The following CADPS variants were observed in gnomAD, a reference collection of about 807,000 sequenced individuals.
CADPS encodes calcium-dependent secretion activator 1.
In CADPS, 57 loss-of-function variants were observed where a neutral mutation model predicts 167.3. The observed-to-expected ratio is 0.34, with a 90% CI of 0.28 to 0.42. The LOEUF (loss-of-function observed/expected upper bound fraction) is 0.42, where lower values mean the gene tolerates loss of function less well. Among genes scored for constraint, CADPS ranks in the 20% least tolerant of loss-of-function variants. CADPS has a pLI of 1.00. For synonymous variants in CADPS, 676 were observed against 635.3 expected (o/e 1.06, Z -0.96); for missense variants, 1,414 against 1,738.1 (o/e 0.81, Z 3.32).
intron 21 of CADPS, among the ~76,000 whole-genome samples, chr3:62,484,752 A>G (rs2062551933): frequency 6.6e-6 from 1 of 152,158 alleles, no homozygotes; most frequent in Non-Finnish European, 1.5e-5. Flanking sequence ...ATTGACTCTA[A>G]TCAAGACACT....
At chr3:62,535,852 C>T (rs965411942) in intron 12 of CADPS, among the ~76,000 whole-genome samples, 6 of 151,734 alleles carry the variant, frequency 4.0e-5, no homozygotes, top group Non-Finnish European at 7.4e-5. Flanking sequence ...ATTGATACTC[C>T]TGCTGGATAG....
At chr3:62,429,133 G>C (rs183635426) in intron 28 of CADPS, among the ~76,000 whole-genome samples, 1 of 151,286 alleles carries the variant, frequency 6.6e-6, no homozygotes. Flanking sequence ...CTTTTGTTTC[G>C]TGTGTGTGTA....
intron 6 of CADPS, among the ~76,000 whole-genome samples, chr3:62,633,287 C>T (rs1195946551): frequency 1.3e-5 from 2 of 152,172 alleles, no homozygotes; most frequent in African/African-American, 4.8e-5. Context: ...ATGATGACAG[C>T]CACAGCCTCC....
At chr3:62,827,452 T>C (rs2074274950) in intron 1 of CADPS, among the ~76,000 whole-genome samples, 3 of 152,180 alleles carry the variant, frequency 2.0e-5, no homozygotes, top group South Asian at 4.1e-4. Context: ...ATTTCATAGA[T>C]AACTGAGGAT....
At chr3:62,849,688 A>C (rs1369611444) in intron 1 of CADPS, among the ~76,000 whole-genome samples, 1 of 140,294 alleles carries the variant, frequency 7.1e-6, no homozygotes, top group Non-Finnish European at 1.5e-5. Flanking sequence ...CCAGTATTTT[A>C]TTGAGGATTT....
intron 6 of CADPS, among the ~76,000 whole-genome samples, chr3:62,641,295 T>C (rs932765327): frequency 2.0e-5 from 3 of 152,160 alleles, no homozygotes; most frequent in Non-Finnish European, 2.9e-5. Flanking sequence ...CGAATTAAAA[T>C]GTTCTCCTTG....
intron 1 of CADPS, among the ~76,000 whole-genome samples, chr3:62,767,132 C>T (rs76307137): frequency 0.01 from 1,539 of 152,166 alleles, 22 homozygotes; most frequent in African/African-American, 0.035. Context: ...AAACTTTTAA[C>T]TTAAAAAAGT....
At chr3:62,656,754 G>C (rs991565893) in intron 4 of CADPS, among the ~76,000 whole-genome samples, 1 of 152,154 alleles carries the variant, frequency 6.6e-6, no homozygotes, top group Admixed American at 6.6e-5. Flanking sequence ...TGTCAAAATA[G>C]GCATTGCAGA....
At chr3:62,687,328 C>A (rs148506409) in intron 3 of CADPS, among the ~76,000 whole-genome samples, 2 of 152,054 alleles carry the variant, frequency 1.3e-5, no homozygotes, top group Admixed American at 6.6e-5. Context: ...TTCACGATGA[C>A]CACCTCAGGG....
chr3:62,422,383 C>T (rs1446950753), intron 28 of CADPS, among the ~76,000 whole-genome samples: 2 of 152,182 alleles, frequency 1.3e-5, no homozygotes, highest in African/African-American at 2.4e-5. Context: ...AGGGATTTGC[C>T]ACTTTCAAGA....
intron 2 of CADPS, among the ~76,000 whole-genome samples, chr3:62,761,728 A>G (rs1235376583): frequency 6.6e-6 from 1 of 151,934 alleles, no homozygotes; most frequent in Non-Finnish European, 1.5e-5. Flanking sequence ...TATATTTTGG[A>G]CATTTTTCTT....
intron 3 of CADPS, among the ~76,000 whole-genome samples, chr3:62,689,571 C>T (rs973212317): frequency 5.3e-5 from 8 of 151,938 alleles, no homozygotes; most frequent in African/African-American, 1.9e-4. Flanking sequence ...TTTTTTTATA[C>T]CATTCTCTGG....
intron 6 of CADPS, among the ~76,000 whole-genome samples, chr3:62,604,412 C>T (rs2060407214): frequency 6.6e-6 from 1 of 152,198 alleles, no homozygotes; most frequent in Admixed American, 6.5e-5. Flanking sequence ...GACTTCCAAG[C>T]TCTTCACATG....
intron 1 of CADPS, among the ~76,000 whole-genome samples, chr3:62,862,595 A>C (rs538107728): frequency 4.6e-5 from 7 of 152,284 alleles, no homozygotes; most frequent in Admixed American, 3.9e-4. Flanking sequence ...ATAGCTTCAA[A>C]AGCAAGATTG....
intron 1 of CADPS, among the ~76,000 whole-genome samples, chr3:62,853,251 A>G (rs1472434151): frequency 6.6e-6 from 1 of 152,250 alleles, no homozygotes; most frequent in African/African-American, 2.4e-5. Flanking sequence ...AGGTCAAGTC[A>G]GAATGAGTTC....
intron 11 of CADPS, among the ~76,000 whole-genome samples, chr3:62,541,732 G>A (rs1000560234): frequency 6.6e-6 from 1 of 152,002 alleles, no homozygotes; most frequent in African/African-American, 2.4e-5. Context: ...TGACTACTCT[G>A]TCATCTATGT....
At chr3:62,547,397 A>G (rs1403101424) in intron 11 of CADPS, among the ~76,000 whole-genome samples, 1 of 151,976 alleles carries the variant, frequency 6.6e-6, no homozygotes, top group Non-Finnish European at 1.5e-5. Flanking sequence ...TTCTTTTAGA[A>G]CCTGGTAGAT....
intron 7 of CADPS, among the ~76,000 whole-genome samples, chr3:62,591,500 T>C (rs2086021136): frequency 6.6e-6 from 1 of 152,022 alleles, no homozygotes; most frequent in Admixed American, 6.5e-5. Context: ...TTGGTTTATA[T>C]GAGGGATTGA....
In CADPS at chr3:62,841,531, C is replaced by T. The variant is rs556658548; in HGVS notation, c.441+33058G>A. On this transcript the variant is annotated intron_variant, in intron 1 of 29. Transcript: ENST00000383710. ...AGGAGTTCAAGACCAGTCTAGGCAA[C>T]ATGGCAAAACCTTGTCTCTACAAAA... is the stretch of plus-strand genomic sequence containing the variant. Among the ~76,000 whole-genome samples, 13 of 152,232 alleles carry T rather than the reference C, an allele frequency of 8.5e-5. No homozygotes were observed. The South Asian group carries it at 2.7e-3, about 32-fold the overall frequency.
Sources: gnomAD v4.1 joint callset for allele counts (sites outside exome capture counted in the v4.1 genomes callset) on GRCh38, gnomAD v4.1.1 for gene constraint, MANE v1.5 for transcripts, NCBI Gene and HGNC (gene_info 2026-07-23, HGNC 2026-07-21) for gene names.